Variants in NEDD4L observed in about 807,000 individuals in gnomAD.
NEDD4L encodes the protein E3 ubiquitin-protein ligase NEDD4-like.
A neutral mutation model predicts 148.9 loss-of-function variants in NEDD4L; 54 were observed. The observed-to-expected ratio is 0.36, with a 90% confidence interval of 0.29 to 0.45. The LOEUF is 0.45. Ranked by LOEUF, NEDD4L falls within the 20% of genes least tolerant of loss-of-function variation. The pLI, the probability that NEDD4L is intolerant of heterozygous loss-of-function variation, is 1.00. For synonymous variants in NEDD4L, 433 were observed against 440.7 expected, an observed-to-expected ratio of 0.98 and a Z score of 0.22; for missense variants, 856 against 1,233.8, an observed-to-expected ratio of 0.69 and a Z score of 4.59.
rs536600407 is a variant in NEDD4L, at chr18:58,051,535, A to C, written c.48+6827A>C. On this transcript the variant is annotated intron_variant, in intron 1 of 30. Coordinates refer to ENST00000400345, the MANE Select transcript of NEDD4L (RefSeq NM_001144967.3). ...TTGCTTGTGCGGTGTTTAAAATGGC[A>C]TCATGAAAACATGGCAATGTGTGAT... Among the ~76,000 whole-genome samples, 5 of 152,352 alleles carry C rather than the reference A, an allele frequency of 3.3e-5. No individual in the cohort carries two copies. In the South Asian group the frequency reaches 1.0e-3, roughly 32 times the overall value.
rs2058880900 is a variant in NEDD4L at position 58,322,431 on chromosome 18, G to A, written c.355G>A (p.Asp119Asn). ...TACTGTTTTTTCCCCACAGACAGAA[G>A]ATCCAACCATGGAGCGACCCTATAC... ...DVPLSHLPTE[D>N]PTMERPYTFK... Residue 119 changes from aspartate to asparagine, a missense_variant, in exon 7 of 31, where the codon GAT (aspartate) becomes AAT (asparagine). By Grantham distance (23) the Asp-to-Asn change is conservative. Coordinates refer to ENST00000400345, the MANE Select transcript of NEDD4L (RefSeq NM_001144967.3). 1.3e-6 allele frequency: 2 copies of A among 1,509,550 alleles called. No homozygotes were observed. The highest frequency in any genetic ancestry group is 2.8e-5 in the East Asian group (1 of 36,010). The allele number at this position is 1,509,550 out of a possible 1,614,324, so 93.5% of individuals were successfully genotyped here. A position where few individuals can be genotyped will look rare whatever the true frequency, so the allele number is the denominator to read the frequency against.
intron 1 of NEDD4L, among the ~76,000 whole-genome samples, chr18:58,059,235 C>T (rs2082219697): frequency 6.6e-6 from 1 of 152,148 alleles, no homozygotes; most frequent in African/African-American, 2.4e-5. Flanking sequence ...AGCCCCTCCT[C>T]CTATTTTCTA....
intron 13 of NEDD4L, among the ~76,000 whole-genome samples, chr18:58,340,696 C>T (rs191406273): frequency 6.6e-6 from 1 of 152,210 alleles, no homozygotes; most frequent in African/African-American, 2.4e-5. Context: ...TTAAGCTCTA[C>T]CTGGTTTGGC....
chr18:58,188,226 C>T (rs767659063), intron 2 of NEDD4L, among the ~76,000 whole-genome samples: 1 of 152,210 alleles, frequency 6.6e-6, no homozygotes, highest in Non-Finnish European at 1.5e-5. Context: ...GACACCTCTT[C>T]ACTGGCCTAC....
intron 25 of NEDD4L, among the ~76,000 whole-genome samples, chr18:58,384,456 T>G (rs1246636126): frequency 6.6e-6 from 1 of 152,238 alleles, no homozygotes; most frequent in Non-Finnish European, 1.5e-5. Flanking sequence ...CAGACACCAT[T>G]GTCTTCCTTC....
intron 2 of NEDD4L, among the ~76,000 whole-genome samples, chr18:58,209,094 A>G (rs1037149116): frequency 6.6e-6 from 1 of 151,310 alleles, no homozygotes; most frequent in Admixed American, 6.6e-5. Flanking sequence ...TAACAATGGG[A>G]TAAGAAAGAT....
At chr18:58,184,832 G>A (rs2039274157) in intron 2 of NEDD4L, among the ~76,000 whole-genome samples, 1 of 152,068 alleles carries the variant, frequency 6.6e-6, no homozygotes, top group South Asian at 2.1e-4. Context: ...GGAGGCTGAA[G>A]CAGGAGAATG....
At chr18:58,259,416 A>C (rs1363237881) in intron 5 of NEDD4L, among the ~76,000 whole-genome samples, 2 of 152,200 alleles carry the variant, frequency 1.3e-5, no homozygotes, top group Admixed American at 1.3e-4. Context: ...TGAGTAATTT[A>C]GTTATTTTCT....
In NEDD4L at chr18:58,281,947, C is replaced by G. The variant is rs1396496946; in HGVS notation, c.297+29893C>G. On this transcript the variant is annotated intron_variant, in intron 5 of 30. Transcript: ENST00000400345. ...GGCTGAGGCAGGAGAATGGCATGAA[C>G]CCGGGAGGCGGAGCTTGCAGTGAGC... is the stretch of plus-strand genomic sequence containing the variant. 2.0e-5 allele frequency among the ~76,000 whole-genome samples: 3 copies of G among 151,794 alleles called. No homozygotes were observed. In the East Asian group the frequency reaches 5.8e-4, roughly 29 times the overall value.
At chr18:58,079,631 G>A (rs1035606449) in intron 1 of NEDD4L, among the ~76,000 whole-genome samples, 16 of 152,306 alleles carry the variant, frequency 1.1e-4, no homozygotes, top group African/African-American at 2.2e-4. Context: ...CCACCTCCCC[G>A]CATGCACCAC....
At chr18:58,197,360 CTGAA>C (rs1204161932) in intron 2 of NEDD4L, among the ~76,000 whole-genome samples, 1 of 152,138 alleles carries the variant, frequency 6.6e-6, no homozygotes, top group Non-Finnish European at 1.5e-5. Context: ...ATAAACCTGA[CTGAA>C]TGGAGTGTGG....
Position 58,322,493 on chromosome 18 carries a change from C to A in NEDD4L, c.410+7C>A. 1 of 569,668 alleles carries A rather than the reference C, an allele frequency of 1.8e-6. No homozygotes were observed. Among genetic ancestry groups the A allele is most frequent in the Non-Finnish European group, 3.3e-6 (1 of 299,166 alleles). The allele number at this position is 569,668 out of a possible 1,614,324, so 35.3% of individuals were successfully genotyped here. A position where few individuals can be genotyped will look rare whatever the true frequency, so the allele number is the denominator to read the frequency against. On this transcript the variant is annotated splice_region_variant and intron_variant, in intron 7 of 30. Transcript: ENST00000400345. The stretch of plus-strand genomic sequence containing the variant: ...TTCTCCTCAGACCAAGAAGGTGAGG[C>A]TTGTGGGTATGGGTGGGTGGGGATG...
intron 1 of NEDD4L, among the ~76,000 whole-genome samples, chr18:58,078,993 C>T (rs989612822): frequency 2.0e-5 from 3 of 152,058 alleles, no homozygotes; most frequent in East Asian, 1.9e-4. Flanking sequence ...AGACTATGAA[C>T]GGGAGCTGTG....
At chr18:58,190,092 A>G (rs1310972347) in intron 2 of NEDD4L, 2 of 152,218 alleles carry the variant, frequency 1.3e-5, no homozygotes, top group Admixed American at 6.5e-5. Context: ...GTAGGAGTAT[A>G]AGTTATATTT....
Position 58,349,531 on chromosome 18 carries a change from T to C in NEDD4L, c.1576-6T>C. The stretch of plus-strand genomic sequence containing the variant: ...GCATCTACTGTCTTTTACATTTTTC[T>C]TGCAGGAAGATCCACGTTTGAAATT... On this transcript the variant is annotated splice_region_variant and splice_polypyrimidine_tract_variant and intron_variant, in intron 16 of 30. Coordinates refer to ENST00000400345, the MANE Select transcript of NEDD4L (RefSeq NM_001144967.3). The C allele has an allele frequency of 6.2e-7, 1 of 1,612,732 alleles. No individual in the cohort carries two copies. The highest frequency in any genetic ancestry group is 8.5e-7 in the Non-Finnish European group (1 of 1,178,708).
chr18:58,074,262 A>T (rs898208228), intron 1 of NEDD4L, among the ~76,000 whole-genome samples: 15 of 138,508 alleles, frequency 1.1e-4, no homozygotes, highest in African/African-American at 4.0e-4. Context: ...TCATGCTAAG[A>T]TTTTTTTTTT....
chr18:58,247,824 T>C (rs963708051), intron 3 of NEDD4L, among the ~76,000 whole-genome samples: 6 of 152,148 alleles, frequency 3.9e-5, no homozygotes, highest in African/African-American at 1.4e-4. Flanking sequence ...TCCACTCCCC[T>C]CCCCTCGTTC....
rs1357621265 is a variant in NEDD4L, at chr18:58,336,785, A to T, written c.1125+1248A>T. 2.6e-5 allele frequency among the ~76,000 whole-genome samples: 4 copies of T among 152,162 alleles called. No individual in the cohort carries two copies. The East Asian group carries it at 7.7e-4, about 29-fold the overall frequency. Reference sequence around the variant, plus strand: ...AGCTCAGGTTAAGATATTGAGCTACAGTGGTTTACATGAGTCATGTGTTGA... The same window carrying T: ...AGCTCAGGTTAAGATATTGAGCTACTGTGGTTTACATGAGTCATGTGTTGA... On this transcript the variant is annotated intron_variant, in intron 13 of 30. Transcript: ENST00000400345.
intron 1 of NEDD4L, chr18:58,090,714 T>G (rs1299461351): frequency 6.6e-6 from 1 of 152,080 alleles, no homozygotes; most frequent in Admixed American, 6.5e-5. Flanking sequence ...CTGACCTCAA[T>G]TGATCCACCC....
Sources: allele counts gnomAD v4.1 joint callset (sites outside exome capture counted in the v4.1 genomes callset), GRCh38; gene constraint gnomAD v4.1.1; transcripts MANE v1.5; gene names NCBI Gene and HGNC (gene_info 2026-07-23, HGNC 2026-07-21).